ASAP1: variants seen among roughly 807,000 people sequenced by gnomAD.
ASAP1 encodes arf-GAP with SH3 domain, ANK repeat and PH domain-containing protein 1.
A neutral mutation model predicts 145.2 loss-of-function variants in ASAP1; 43 were observed. That is an observed-to-expected ratio of 0.30 (90% CI 0.23 to 0.38). ASAP1 has a LOEUF of 0.38. Ranked by LOEUF, ASAP1 falls within the 10% of genes least tolerant of loss-of-function variation. ASAP1 has a pLI of 1.00. For missense variants in ASAP1, 1,018 were observed against 1,355.3 expected (o/e 0.75, Z 3.91); for synonymous variants, 546 against 515.5 (o/e 1.06, Z -0.80).
At chr8:130,098,577 T>C (rs752289849) in intron 24 of ASAP1, among the ~76,000 whole-genome samples, 19 of 152,144 alleles carry the variant, frequency 1.2e-4, no homozygotes, top group Non-Finnish European at 2.1e-4. Flanking sequence ...CTCAAACCCC[T>C]GATCTCATGA....
intron 24 of ASAP1, among the ~76,000 whole-genome samples, chr8:130,101,289 T>G (rs892295015): frequency 6.6e-6 from 1 of 152,232 alleles, no homozygotes; most frequent in Admixed American, 6.5e-5. Context: ...ATATGAATTT[T>G]AGGATTGCTT....
intron 1 of ASAP1, among the ~76,000 whole-genome samples, chr8:130,420,235 TACACACACACACACACACACACAC>T (rs34138357): frequency 1.4e-5 from 2 of 139,318 alleles, no homozygotes; most frequent in African/African-American, 5.5e-5. Flanking sequence ...CATAATGAAA[TACACACACACACACACACACACAC>T]ACACACACAC....
intron 24 of ASAP1, among the ~76,000 whole-genome samples, chr8:130,103,883 C>T (rs1345768447): frequency 6.6e-6 from 1 of 152,110 alleles, no homozygotes; most frequent in African/African-American, 2.4e-5. Flanking sequence ...TTACTGTATC[C>T]CACAGGTTTT....
intron 5 of ASAP1, among the ~76,000 whole-genome samples, chr8:130,202,924 C>T (rs1815961873): frequency 6.6e-6 from 1 of 152,188 alleles, no homozygotes; most frequent in Non-Finnish European, 1.5e-5. Context: ...TTCAAGACTG[C>T]ATCAGCGGGC....
chr8:130,262,824 T>G (rs1251944084), intron 3 of ASAP1, among the ~76,000 whole-genome samples: 2 of 152,194 alleles, frequency 1.3e-5, no homozygotes, highest in Non-Finnish European at 2.9e-5. Context: ...GCCTGTTCCA[T>G]GACCCTAAAG....
chr8:130,205,937 G>T (rs976164309), intron 5 of ASAP1, among the ~76,000 whole-genome samples: 19 of 152,066 alleles, frequency 1.2e-4, no homozygotes, highest in Non-Finnish European at 2.5e-4. Flanking sequence ...CAAATCAGCA[G>T]TATCTCTGTG....
At chr8:130,082,338 T>G (rs989930431) in intron 25 of ASAP1, among the ~76,000 whole-genome samples, 4 of 152,176 alleles carry the variant, frequency 2.6e-5, no homozygotes, top group Admixed American at 2.6e-4. Context: ...TGTGATGTTC[T>G]TCAAGGTAGG....
chr8:130,368,948 T>C (rs1827088613), intron 2 of ASAP1, among the ~76,000 whole-genome samples: 1 of 152,216 alleles, frequency 6.6e-6, no homozygotes, highest in Non-Finnish European at 1.5e-5. Context: ...CCCTGGCTAA[T>C]CTTTTCCTGG....
At chr8:130,270,793 G>A (rs1231438624) in intron 3 of ASAP1, among the ~76,000 whole-genome samples, 1 of 152,194 alleles carries the variant, frequency 6.6e-6, no homozygotes, top group Non-Finnish European at 1.5e-5. Flanking sequence ...ACAGATTTTA[G>A]TCCACTGTTT....
chr8:130,353,316 C>T (rs773464509), intron 3 of ASAP1, among the ~76,000 whole-genome samples: 7 of 152,144 alleles, frequency 4.6e-5, no homozygotes, highest in Non-Finnish European at 1.0e-4. Context: ...AATGAGTTCC[C>T]ACATTTAAAT....
chr8:130,218,345 G>T (rs1425699305), intron 4 of ASAP1, among the ~76,000 whole-genome samples: 1 of 152,170 alleles, frequency 6.6e-6, no homozygotes, highest in East Asian at 1.9e-4. Flanking sequence ...AATATTTCAA[G>T]TGAAAAATAT....
At chr8:130,119,747 T>C (rs1436756515) in intron 18 of ASAP1, among the ~76,000 whole-genome samples, 1 of 151,806 alleles carries the variant, frequency 6.6e-6, no homozygotes, top group Admixed American at 6.6e-5. Flanking sequence ...CTTTTAGTTC[T>C]ACAGCACCCC....
At chr8:130,437,411 TTATC>T (rs1830350705) in intron 1 of ASAP1, among the ~76,000 whole-genome samples, 1 of 152,172 alleles carries the variant, frequency 6.6e-6, no homozygotes. Context: ...TTTTCTTACA[TTATC>T]TCAGTTAAGT....
At chr8:130,242,261 T>TAAAAAA (rs571916495) in intron 3 of ASAP1, among the ~76,000 whole-genome samples, 9 of 85,338 alleles carry the variant, frequency 1.1e-4, no homozygotes, top group African/African-American at 4.4e-4. Context: ...GTGATTTCCT[T>TAAAAAA]AAAAAAAAAA....
At chr8:130,115,291 T>C (rs778772321) in intron 23 of ASAP1, among the ~76,000 whole-genome samples, 21 of 152,204 alleles carry the variant, frequency 1.4e-4, no homozygotes, top group Non-Finnish European at 2.2e-4. Flanking sequence ...CTCCAGACTG[T>C]CTTTAGCCTG....
chr8:130,139,446 C>T (rs1186493118), intron 13 of ASAP1, among the ~76,000 whole-genome samples: 1 of 152,202 alleles, frequency 6.6e-6, no homozygotes, highest in African/African-American at 2.4e-5. Flanking sequence ...TTTAAGCTGA[C>T]CAGGCGTGGT....
At position 130,358,137 on chromosome 8, in the gene ASAP1, C is replaced by T. The variant is rs1342821951; in HGVS notation, c.66G>A (p.Pro22=). Residue 22 remains proline, a synonymous_variant, in exon 3 of 30, where the codon CCG becomes CCA. Transcript: ENST00000518721. This position sits in a 1 kb window ranked among gnomAD's most constrained non-coding sequence, Gnocchi z 4.1. The stretch of plus-strand genomic sequence containing the variant: ...TGAACTCCGAGACAGAGATCTGGTC[C>T]GGCATCCTGCCGGGAGGGACGAGAC... ...SSRDSLWNRM[P]DQISVSEFIA... is the part of the protein sequence containing the mutation. 6.2e-7 allele frequency: 1 copy of T among 1,604,786 alleles called. No individual in the cohort carries two copies. Among genetic ancestry groups the T allele is most frequent in the Non-Finnish European group, 8.5e-7 (1 of 1,176,994 alleles).
intron 3 of ASAP1, among the ~76,000 whole-genome samples, chr8:130,291,048 A>G (rs1176474226): frequency 6.6e-6 from 1 of 152,216 alleles, no homozygotes; most frequent in Non-Finnish European, 1.5e-5. Context: ...TCAGGAATCC[A>G]GTTATCTTGA....
chr8:130,155,127 A>G (rs2097655591), intron 12 of ASAP1, among the ~76,000 whole-genome samples: 2 of 152,174 alleles, frequency 1.3e-5, no homozygotes, highest in African/African-American at 4.8e-5. Context: ...TTAAAGCCTC[A>G]GTTTATCCAT....
Sources: gnomAD v4.1 joint callset for allele counts (sites outside exome capture counted in the v4.1 genomes callset) on GRCh38, gnomAD v4.1.1 for gene constraint, Gnocchi (gnomAD v3.1) non-coding constraint, MANE v1.5 for transcripts, NCBI Gene and HGNC (gene_info 2026-07-23, HGNC 2026-07-21) for gene names.